Variants in PDE11A observed in about 807,000 individuals in gnomAD.
PDE11A encodes the protein dual 3',5'-cyclic-AMP and -GMP phosphodiesterase 11A.
In PDE11A, 100 loss-of-function variants were observed where a neutral mutation model predicts 100.5. The ratio of observed to expected loss-of-function variants is 1.00; its 90% confidence interval spans 0.85 to 1.18. The LOEUF is 1.18. Among genes scored for constraint, PDE11A ranks in the 50% most tolerant of loss-of-function variants. The pLI, the probability that PDE11A is intolerant of heterozygous loss-of-function variation, is 0.00. For missense variants in PDE11A, 1,141 were observed against 1,152.6 expected (o/e 0.99, Z 0.15); for synonymous variants, 381 against 420.8 (o/e 0.91, Z 1.16).
chr2:177,850,625 C>T (rs943313533), intron 5 of PDE11A, among the ~76,000 whole-genome samples: 8 of 152,136 alleles, frequency 5.3e-5, no homozygotes, highest in African/African-American at 1.9e-4. Flanking sequence ...AAAATTTTTA[C>T]AATCTACTCA....
chr2:177,860,221 CA>C (rs34364822), intron 5 of PDE11A, among the ~76,000 whole-genome samples: 316 of 136,848 alleles, frequency 2.3e-3, no homozygotes, highest in Non-Finnish European at 2.7e-3. Flanking sequence ...CTAGTTTTGC[CA>C]AAAAAAAAAA....
chr2:177,783,103 T>C (rs2082476643), intron 9 of PDE11A, among the ~76,000 whole-genome samples: 1 of 152,156 alleles, frequency 6.6e-6, no homozygotes, highest in Non-Finnish European at 1.5e-5. Flanking sequence ...TCTTTTTCTC[T>C]TTTCCCCCTC....
At chr2:177,681,563 T>C (rs972688260) in intron 15 of PDE11A, among the ~76,000 whole-genome samples, 3 of 152,178 alleles carry the variant, frequency 2.0e-5, no homozygotes, top group African/African-American at 4.8e-5. Context: ...ATGAATGACA[T>C]GTGGAAAGCA....
In PDE11A at chr2:177,623,959, C is replaced by T. The variant is rs1370652209; in HGVS notation, c.*5448G>A. 2 of 152,222 alleles carry T rather than the reference C, an allele frequency of 1.3e-5. No individual in the cohort carries two copies. The highest frequency in any genetic ancestry group is 2.1e-4 in the South Asian group (1 of 4,832). 9.4% of individuals were successfully genotyped at this position (152,222 alleles called of 1,614,324 possible). On this transcript the variant is annotated 3_prime_UTR_variant, in exon 20 of 20. Coordinates refer to ENST00000286063, the MANE Select transcript of PDE11A (RefSeq NM_016953.4). ...TTGGGCATTGCTAAATCTAAATGCT[C>T]ATCATGAAATTCTCCAGATACACCT...
intron 4 of PDE11A, among the ~76,000 whole-genome samples, chr2:177,882,067 A>T (rs2084352203): frequency 1.3e-5 from 2 of 152,198 alleles, no homozygotes; most frequent in Non-Finnish European, 2.9e-5. Flanking sequence ...GTGGTAAGAG[A>T]TATACTCGAG....
chr2:177,876,974 A>G (rs375763967), intron 4 of PDE11A, among the ~76,000 whole-genome samples: 6 of 148,062 alleles, frequency 4.1e-5, no homozygotes, highest in African/African-American at 1.5e-4. Context: ...GGAGGGCCAG[A>G]TGGTTGAAGC....
chr2:177,897,430 C>G (rs941005104), intron 4 of PDE11A, among the ~76,000 whole-genome samples: 1 of 152,182 alleles, frequency 6.6e-6, no homozygotes. Context: ...GGGAAGTGAA[C>G]AGCAGCCCCC....
At chr2:177,894,946 T>G (rs2084586947) in intron 4 of PDE11A, among the ~76,000 whole-genome samples, 1 of 152,198 alleles carries the variant, frequency 6.6e-6, no homozygotes, top group Non-Finnish European at 1.5e-5. Flanking sequence ...TCTTTGCCTG[T>G]AACTCCTGCC....
intron 2 of PDE11A, among the ~76,000 whole-genome samples, chr2:177,982,830 C>T (rs1402312085): frequency 6.6e-6 from 1 of 150,764 alleles, no homozygotes; most frequent in Non-Finnish European, 1.5e-5. Flanking sequence ...AATTCCAGTA[C>T]TTTGGGAGGC....
At chr2:177,961,151 C>T (rs1210600132) in intron 2 of PDE11A, among the ~76,000 whole-genome samples, 3 of 152,112 alleles carry the variant, frequency 2.0e-5, no homozygotes, top group Admixed American at 1.3e-4. Flanking sequence ...GTGTAATTTT[C>T]CTCTCTCCAG....
At chr2:178,017,585 T>C (rs11686720) in intron 1 of PDE11A, among the ~76,000 whole-genome samples, 144,125 of 152,226 alleles carry the variant, frequency 0.95, 68,738 homozygotes, top group East Asian at 1. Flanking sequence ...TGATTACCTG[T>C]GGAGAGGAAG....
intron 2 of PDE11A, among the ~76,000 whole-genome samples, chr2:177,905,574 G>A (rs11690740): frequency 0.077 from 11,647 of 152,226 alleles, 572 homozygotes; most frequent in Non-Finnish European, 0.11. Context: ...ACATTTGGAG[G>A]TAGGCAGGAT....
intron 4 of PDE11A, among the ~76,000 whole-genome samples, chr2:177,885,710 G>C (rs1468199250): frequency 1.3e-5 from 2 of 152,256 alleles, no homozygotes; most frequent in East Asian, 3.9e-4. Context: ...ACTGAATTAC[G>C]GACTGCCCCA....
intron 9 of PDE11A, among the ~76,000 whole-genome samples, chr2:177,776,520 T>C (rs77950541): frequency 0.014 from 2,163 of 152,282 alleles, 41 homozygotes; most frequent in African/African-American, 0.049. Flanking sequence ...GCTACTATTA[T>C]GAGGGGAATT....
At chr2:177,750,745 T>C (rs894769174) in intron 10 of PDE11A, among the ~76,000 whole-genome samples, 1 of 152,238 alleles carries the variant, frequency 6.6e-6, no homozygotes, top group Non-Finnish European at 1.5e-5. Flanking sequence ...TAAAGGCACC[T>C]GTTTAACTTT....
At chr2:177,994,720 T>C (rs1034715371) in intron 2 of PDE11A, among the ~76,000 whole-genome samples, 6 of 152,218 alleles carry the variant, frequency 3.9e-5, no homozygotes, top group African/African-American at 1.4e-4. Context: ...AGCAGTTTGG[T>C]TTCCCATTTT....
intron 2 of PDE11A, among the ~76,000 whole-genome samples, chr2:178,096,639 G>A (rs369205230): frequency 4.6e-5 from 7 of 152,174 alleles, no homozygotes; most frequent in East Asian, 1.9e-4. Context: ...GCAAAATGCC[G>A]CCAGTCTCTT....
intron 1 of PDE11A, among the ~76,000 whole-genome samples, chr2:178,071,100 C>G (rs1030658389): frequency 6.6e-6 from 1 of 152,094 alleles, no homozygotes; most frequent in African/African-American, 2.4e-5. Flanking sequence ...ATTATGGTCC[C>G]CAAAAGACAC....
At chr2:177,796,421 G>C (rs1243255378) in intron 9 of PDE11A, among the ~76,000 whole-genome samples, 2 of 152,122 alleles carry the variant, frequency 1.3e-5, no homozygotes, top group African/African-American at 4.8e-5. Context: ...TTCCCCCTGA[G>C]ATTTGGGCTC....
Sources: gnomAD v4.1 joint callset for allele counts (sites outside exome capture counted in the v4.1 genomes callset) on GRCh38, gnomAD v4.1.1 for gene constraint, MANE v1.5 for transcripts, NCBI Gene and HGNC (gene_info 2026-07-23, HGNC 2026-07-21) for gene names.